The following SLMAP variants were observed in gnomAD, a reference collection of about 807,000 sequenced individuals.
SLMAP encodes the protein sarcolemmal membrane-associated protein.
A neutral mutation model predicts 128.8 loss-of-function variants in SLMAP; 44 were observed. The ratio of observed to expected loss-of-function variants is 0.34; its 90% confidence interval spans 0.27 to 0.44. The LOEUF (loss-of-function observed/expected upper bound fraction) is 0.44, where lower values mean the gene tolerates loss of function less well. Ranked by LOEUF, SLMAP falls within the 20% of genes least tolerant of loss-of-function variation. SLMAP has a pLI of 1.00. For synonymous variants in SLMAP, 327 were observed against 348.8 expected, an observed-to-expected ratio of 0.94 and a Z score of 0.70; for missense variants, 787 against 985.3, an observed-to-expected ratio of 0.80 and a Z score of 2.69.
At chr3:57,823,777 T>A (rs1301324626) in intron 2 of SLMAP, among the ~76,000 whole-genome samples, 1 of 152,170 alleles carries the variant, frequency 6.6e-6, no homozygotes, top group Non-Finnish European at 1.5e-5. Context: ...TAGTTCTAGA[T>A]CCCTGAGGAA....
chr3:57,873,983 C>T (rs750236117), intron 14 of SLMAP, among the ~76,000 whole-genome samples: 18 of 151,970 alleles, frequency 1.2e-4, no homozygotes, highest in Non-Finnish European at 1.6e-4. Context: ...TTAGCTGGGG[C>T]GTGGTGATGC....
At chr3:57,817,737 C>CAA (rs1304394483) in intron 2 of SLMAP, among the ~76,000 whole-genome samples, 1 of 152,180 alleles carries the variant, frequency 6.6e-6, no homozygotes, top group African/African-American at 2.4e-5. Flanking sequence ...CTAGCATGAG[C>CAA]AAAAGCTAGT....
chr3:57,767,210 C>T (rs1330490797), intron 2 of SLMAP, among the ~76,000 whole-genome samples: 4 of 152,196 alleles, frequency 2.6e-5, no homozygotes, highest in East Asian at 1.9e-4. Context: ...TGAGCCACTG[C>T]ACCCGGCCTG....
At chr3:57,912,776 A>T in intron 20 of SLMAP, 75 bp downstream of exon 20, 1 of 1,153,638 alleles carries the variant, frequency 8.7e-7, no homozygotes, top group Non-Finnish European at 1.2e-6. Context: ...AAAAAGAAAC[A>T]TGCAGGCTTT....
chr3:57,883,026 A>T (rs960299738), intron 14 of SLMAP, among the ~76,000 whole-genome samples: 2 of 152,168 alleles, frequency 1.3e-5, no homozygotes, highest in African/African-American at 4.8e-5. Flanking sequence ...CCAGACCCTA[A>T]ATTCCTATAT....
chr3:57,898,549 C>A (rs945678603), intron 17 of SLMAP: 1 of 152,244 alleles, frequency 6.6e-6, no homozygotes, highest in East Asian at 1.9e-4. Flanking sequence ...CAATAGCCAA[C>A]TTAAGATTGA....
chr3:57,815,448 G>GC (rs150359733), intron 2 of SLMAP, among the ~76,000 whole-genome samples: 2,775 of 152,060 alleles, frequency 0.018, 76 homozygotes, highest in African/African-American at 0.063. Context: ...GTACACCTTT[G>GC]CCCCATCACA....
intron 17 of SLMAP, chr3:57,898,575 T>C (rs544813349): frequency 6.6e-6 from 1 of 152,358 alleles, no homozygotes; most frequent in African/African-American, 2.4e-5. Context: ...GTGTTTATGA[T>C]TGTGTTAATT....
intron 2 of SLMAP, among the ~76,000 whole-genome samples, chr3:57,789,553 CT>C (rs532374074): frequency 6.5e-4 from 99 of 152,140 alleles, no homozygotes; most frequent in Middle Eastern, 3.4e-3. Flanking sequence ...GCTAAACTGA[CT>C]TAGCAAGGTT....
chr3:57,840,004 AG>A lies in SLMAP; in HGVS notation c.347-1294del, dbSNP rs369403772. Among the ~76,000 whole-genome samples, 443 of 151,646 alleles carry A rather than the reference AG, an allele frequency of 2.9e-3. 3 individuals carry two copies. Among genetic ancestry groups the A allele is most frequent in the African/African-American group, 9.4e-3 (386 of 41,242 alleles). On this transcript the variant is annotated intron_variant, in intron 3 of 24. Coordinates refer to ENST00000671191, the MANE Select transcript of SLMAP (RefSeq NM_001377540.1). ...TGCCCAGCCTAAGTTTTATATTTTT[AG>A]TAGAGGGGTTTTGCCATGTTGGCCA...
intron 15 of SLMAP, among the ~76,000 whole-genome samples, chr3:57,892,790 ACAC>A (rs2096118836): frequency 6.8e-6 from 1 of 147,864 alleles, no homozygotes; most frequent in African/African-American, 2.5e-5. Context: ...TAAAACACAC[ACAC>A]ACACACACAC....
chr3:57,846,874 G>A (rs2094283413), intron 4 of SLMAP, among the ~76,000 whole-genome samples: 1 of 152,052 alleles, frequency 6.6e-6, no homozygotes, highest in Admixed American at 6.5e-5. Flanking sequence ...TGGATAAAGA[G>A]TACTCCTTTT....
intron 13 of SLMAP, among the ~76,000 whole-genome samples, chr3:57,869,426 G>A (rs2095414597): frequency 1.3e-5 from 2 of 150,838 alleles, no homozygotes; most frequent in African/African-American, 4.9e-5. Context: ...ATCCATTCAA[G>A]TTGACACTCA....
At chr3:57,845,279 A>T (rs1372355675) in intron 4 of SLMAP, among the ~76,000 whole-genome samples, 1 of 152,186 alleles carries the variant, frequency 6.6e-6, no homozygotes, top group African/African-American at 2.4e-5. Context: ...GAGAACACAG[A>T]TGTATAATCA....
chr3:57,774,683 C>T (rs1409566652), intron 2 of SLMAP, among the ~76,000 whole-genome samples: 1 of 151,960 alleles, frequency 6.6e-6, no homozygotes, highest in African/African-American at 2.4e-5. Flanking sequence ...CATCACCACA[C>T]CCGGCTAATT....
intron 14 of SLMAP, among the ~76,000 whole-genome samples, chr3:57,885,858 A>G (rs1379294147): frequency 1.6e-5 from 2 of 125,144 alleles, no homozygotes; most frequent in Non-Finnish European, 3.1e-5. Context: ...ATCTTGGCTC[A>G]CTGTAAACTC....
chr3:57,901,051 T>C (rs2153665525), intron 17 of SLMAP: 1 of 152,296 alleles, frequency 6.6e-6, no homozygotes, highest in African/African-American at 2.4e-5. Context: ...ATGCCTTTTG[T>C]TTGTGTATCC....
intron 2 of SLMAP, among the ~76,000 whole-genome samples, chr3:57,793,623 T>C (rs927802622): frequency 2.6e-5 from 4 of 152,244 alleles, no homozygotes; most frequent in Non-Finnish European, 5.9e-5. Context: ...CTTTCATACA[T>C]TTCCAGAGTA....
chr3:57,830,255 G>A (rs373277757), intron 2 of SLMAP, among the ~76,000 whole-genome samples: 8 of 152,248 alleles, frequency 5.3e-5, no homozygotes, highest in Non-Finnish European at 8.8e-5. Context: ...TGATCTGCCC[G>A]CCTCAGCCTC....
Sources: allele counts gnomAD v4.1 joint callset (sites outside exome capture counted in the v4.1 genomes callset), GRCh38; gene constraint gnomAD v4.1.1; transcripts MANE v1.5; gene names NCBI Gene and HGNC (gene_info 2026-07-23, HGNC 2026-07-21).